EPS15: variants seen among roughly 807,000 people sequenced by gnomAD.
The protein encoded by EPS15 is epidermal growth factor receptor pathway substrate 15, also known as epidermal growth factor receptor substrate 15.
In EPS15, 72 loss-of-function variants were observed where a neutral mutation model predicts 113.8. The ratio of observed to expected loss-of-function variants is 0.63; its 90% CI spans 0.52 to 0.77. The LOEUF is 0.77. Among genes scored for constraint, EPS15 ranks in the 30% least tolerant of loss-of-function variants. EPS15 has a pLI of 0.00. For missense variants in EPS15, 1,048 were observed against 1,045.8 expected (o/e 1.00, Z -0.03); for synonymous variants, 344 against 363.4 (o/e 0.95, Z 0.61).
intron 16 of EPS15, among the ~76,000 whole-genome samples, chr1:51,404,581 G>A (rs565281730): frequency 3.3e-5 from 5 of 151,874 alleles, no homozygotes; most frequent in African/African-American, 7.3e-5. Context: ...TCCCTTCTAC[G>A]GGTACAGTCT....
intron 20 of EPS15, among the ~76,000 whole-genome samples, chr1:51,394,729 C>T (rs1361929678): frequency 6.6e-6 from 1 of 152,198 alleles, no homozygotes; most frequent in East Asian, 1.9e-4. Flanking sequence ...GTGTAGTCAT[C>T]TCCCAGGAAA....
At chr1:51,422,469 T>C (rs544551744) in intron 12 of EPS15, among the ~76,000 whole-genome samples, 2 of 152,216 alleles carry the variant, frequency 1.3e-5, no homozygotes, top group Non-Finnish European at 2.9e-5. Flanking sequence ...TGATCAAATA[T>C]ACAAACAGTA....
At chr1:51,489,724 G>A (rs1296684170) in intron 1 of EPS15, among the ~76,000 whole-genome samples, 1 of 152,088 alleles carries the variant, frequency 6.6e-6, no homozygotes, top group Non-Finnish European at 1.5e-5. Context: ...CCAAGGGTGG[G>A]TTTGGCCATA....
At chr1:51,501,042 T>G (rs1319526339) in intron 1 of EPS15, among the ~76,000 whole-genome samples, 1 of 151,830 alleles carries the variant, frequency 6.6e-6, no homozygotes, top group Non-Finnish European at 1.5e-5. Context: ...TCCTCATATA[T>G]TAAAAAACAC....
intron 11 of EPS15, 82 bp from the exon 12 acceptor site, chr1:51,440,514 C>G (rs1001571510): frequency 5.4e-6 from 3 of 558,376 alleles, no homozygotes; most frequent in African/African-American, 3.8e-5. Flanking sequence ...TAAAGCTCTA[C>G]GCAGATATAA....
At chr1:51,394,300 CAAAT>C in intron 21 of EPS15, 77 bp downstream of exon 21, 1 of 827,658 alleles carries the variant, frequency 1.2e-6, no homozygotes, top group Non-Finnish European at 1.9e-6. Flanking sequence ...AATAACAGGA[CAAAT>C]ATATTTAGAG....
chr1:51,421,968 C>A (rs1456601072), intron 12 of EPS15, 110 bp from the exon 13 acceptor site: 3 of 1,462,392 alleles, frequency 2.1e-6, no homozygotes, highest in South Asian at 1.5e-5. Flanking sequence ...GTGAAACATT[C>A]AATTTTTAAA....
intron 11 of EPS15, 23 bp downstream of exon 11, chr1:51,444,866 G>C (rs1652879888): frequency 1.2e-6 from 2 of 1,602,294 alleles, no homozygotes; most frequent in Middle Eastern, 1.7e-4. Flanking sequence ...AATACATTCA[G>C]GTTTCCTTTT....
chr1:51,443,654 TTTC>T (rs869268878), intron 11 of EPS15, among the ~76,000 whole-genome samples: 12 of 152,090 alleles, frequency 7.9e-5, no homozygotes, highest in Admixed American at 6.6e-4. Flanking sequence ...TCTTTCTTTC[TTTC>T]TTTTTTTAAG....
chr1:51,445,116 T>TCCAGTAAAA (rs1652912149), intron 10 of EPS15, 71 bp from the exon 11 acceptor site: 2 of 1,377,890 alleles, frequency 1.5e-6, no homozygotes, highest in Non-Finnish European at 2.0e-6. Flanking sequence ...AAAGTACCAC[T>TCCAGTAAAA]ATGCAGCTTT....
intron 13 of EPS15, among the ~76,000 whole-genome samples, chr1:51,418,660 G>C (rs1277365714): frequency 6.6e-6 from 1 of 152,038 alleles, no homozygotes; most frequent in East Asian, 1.9e-4. Flanking sequence ...GTGAAGAGAA[G>C]ATAATAAAGA....
chr1:51,476,376 G>A (rs1355045268), intron 2 of EPS15, among the ~76,000 whole-genome samples: 2 of 151,910 alleles, frequency 1.3e-5, no homozygotes, highest in South Asian at 2.1e-4. Flanking sequence ...CTTTTATTTC[G>A]CTGAGCAGTG....
At chr1:51,495,910 G>A (rs1337326696) in intron 1 of EPS15, among the ~76,000 whole-genome samples, 2 of 152,144 alleles carry the variant, frequency 1.3e-5, no homozygotes, top group East Asian at 1.9e-4. Flanking sequence ...TAGGCAAGGA[G>A]AAAAATATAA....
At chr1:51,430,286 T>C (rs779239518) in intron 12 of EPS15, among the ~76,000 whole-genome samples, 2 of 152,106 alleles carry the variant, frequency 1.3e-5, no homozygotes, top group African/African-American at 4.8e-5. Flanking sequence ...TCAGAGTTCA[T>C]GGCCGGGTGC....
chr1:51,495,700 CCTT>C (rs1213357143), intron 1 of EPS15, among the ~76,000 whole-genome samples: 1 of 151,824 alleles, frequency 6.6e-6, no homozygotes, highest in African/African-American at 2.4e-5. Flanking sequence ...AAAAACCTCT[CCTT>C]AATTATTTAA....
At chr1:51,508,298 G>GAGAGAA (rs1367342732) in intron 1 of EPS15, among the ~76,000 whole-genome samples, 2 of 122,304 alleles carry the variant, frequency 1.6e-5, no homozygotes, top group African/African-American at 6.9e-5. Context: ...GAAAGAGAGA[G>GAGAGAA]AGAGAAAGAG....
At chr1:51,368,939 G>A (rs1031833479) in intron 21 of EPS15, among the ~76,000 whole-genome samples, 1 of 151,992 alleles carries the variant, frequency 6.6e-6, no homozygotes, top group Non-Finnish European at 1.5e-5. Context: ...CAGCCTGAGT[G>A]GGGTGAAGAT....
intron 21 of EPS15, among the ~76,000 whole-genome samples, chr1:51,379,193 T>C (rs770215796): frequency 9.2e-5 from 14 of 152,184 alleles, no homozygotes; most frequent in Non-Finnish European, 1.8e-4. Context: ...CATCTTGGCT[T>C]ACTGCAACCT....
At chr1:51,363,467 A>G (rs567150175) in intron 23 of EPS15, among the ~76,000 whole-genome samples, 1 of 152,316 alleles carries the variant, frequency 6.6e-6, no homozygotes, top group Admixed American at 6.5e-5. Flanking sequence ...TTACAGGAAA[A>G]GGACTTTGAA....
Sources: allele counts gnomAD v4.1 joint callset (sites outside exome capture counted in the v4.1 genomes callset), GRCh38; gene constraint gnomAD v4.1.1; transcripts MANE v1.5; gene names NCBI Gene and HGNC (gene_info 2026-07-23, HGNC 2026-07-21).